The following GMDS variants were observed in gnomAD, a reference collection of about 807,000 sequenced individuals.
GMDS encodes GDP-mannose 4,6 dehydratase.
A neutral mutation model predicts 49.9 loss-of-function variants in GMDS; 20 were observed. The observed-to-expected ratio is 0.40, with a 90% CI of 0.28 to 0.58. The LOEUF (loss-of-function observed/expected upper bound fraction) is 0.58. Among genes scored for constraint, GMDS ranks in the 20% least tolerant of loss-of-function variants. GMDS has a pLI of 0.42. For synonymous variants in GMDS, 177 were observed against 178.6 expected, an observed-to-expected ratio of 0.99 and a Z score of 0.07; for missense variants, 362 against 481.4, an observed-to-expected ratio of 0.75 and a Z score of 2.32.
At chr6:2,128,479 A>T (rs987202924) in intron 1 of GMDS, among the ~76,000 whole-genome samples, 1 of 152,066 alleles carries the variant, frequency 6.6e-6, no homozygotes, top group African/African-American at 2.4e-5. Context: ...CTACTCTCGC[A>T]AGAACTAAGC....
chr6:2,061,492 G>T (rs1394936841), intron 4 of GMDS, among the ~76,000 whole-genome samples: 2 of 151,956 alleles, frequency 1.3e-5, no homozygotes, highest in South Asian at 2.1e-4. Context: ...TGAGGCGGTC[G>T]GATCACTTGA....
In GMDS at chr6:2,117,570, G is replaced by A. The variant is rs759015784; in HGVS notation, c.148-14C>T. 1.9e-5 allele frequency: 28 copies of A among 1,463,118 alleles called. No individual in the cohort carries two copies. The East Asian group carries it at 5.9e-4, about 31-fold the overall frequency. 90.6% of individuals were successfully genotyped at this position (1,463,118 alleles called of 1,614,324 possible). A position where few individuals can be genotyped will look rare whatever the true frequency, so the allele number is the denominator to read the frequency against. Reference sequence around the variant, plus strand: ...AATTCCATGGACCTGAGTTTTTACAGTGTGGAAAGATAAATGTGCAATGAG... The same window carrying A: ...AATTCCATGGACCTGAGTTTTTACAATGTGGAAAGATAAATGTGCAATGAG... On this transcript the variant is annotated splice_polypyrimidine_tract_variant and intron_variant, in intron 2 of 10. Coordinates refer to ENST00000380815, the MANE Select transcript of GMDS (RefSeq NM_001500.4).
intron 1 of GMDS, among the ~76,000 whole-genome samples, chr6:2,157,524 C>T (rs1246883731): frequency 2.0e-5 from 3 of 152,212 alleles, no homozygotes; most frequent in Admixed American, 1.3e-4. Flanking sequence ...GATGACCCAT[C>T]CCTATGGCTA....
In GMDS at chr6:2,234,923, C is replaced by T. The variant is rs2129176; in HGVS notation, c.102+10398G>A. Among the ~76,000 whole-genome samples the T allele has an allele frequency of 4.6e-3, 696 of 152,198 alleles. 5 individuals carry two copies. The highest frequency in any genetic ancestry group is 0.016 in the African/African-American group (660 of 41,528). ...GGCGGATCACCTGAGGTCTGGAGTT[C>T]GAGACCAGCCTGACCAACATGGAGA... is the stretch of plus-strand genomic sequence containing the variant. On this transcript the variant is annotated intron_variant, in intron 1 of 10. Transcript: ENST00000380815.
intron 7 of GMDS, among the ~76,000 whole-genome samples, chr6:1,927,809 T>G (rs558120884): frequency 9.2e-5 from 14 of 152,334 alleles, no homozygotes; most frequent in African/African-American, 3.4e-4. Flanking sequence ...CTTTTTGGCC[T>G]GTTTCTGAAA....
At chr6:2,240,172 A>C (rs545184059) in intron 1 of GMDS, among the ~76,000 whole-genome samples, 1 of 152,250 alleles carries the variant, frequency 6.6e-6, no homozygotes, top group South Asian at 2.1e-4. Context: ...CCAGTACTTT[A>C]TAGCCTTGTG....
At chr6:2,163,398 A>C (rs1222318615) in intron 1 of GMDS, among the ~76,000 whole-genome samples, 1 of 151,174 alleles carries the variant, frequency 6.6e-6, no homozygotes, top group East Asian at 2.0e-4. Flanking sequence ...GGAAAACTGG[A>C]CCAACAACAT....
chr6:2,122,823 T>G (rs1775214168), intron 2 of GMDS, among the ~76,000 whole-genome samples: 1 of 152,210 alleles, frequency 6.6e-6, no homozygotes, highest in African/African-American at 2.4e-5. Flanking sequence ...CGCTATAGTG[T>G]CAACCATGTT....
At chr6:2,001,688 G>C (rs546409042) in intron 4 of GMDS, among the ~76,000 whole-genome samples, 21 of 152,220 alleles carry the variant, frequency 1.4e-4, no homozygotes, top group Non-Finnish European at 8.8e-5. Flanking sequence ...CATAAGAATA[G>C]ATGCACAAAT....
chr6:2,063,126 T>C (rs1463739326), intron 4 of GMDS, among the ~76,000 whole-genome samples: 2 of 152,224 alleles, frequency 1.3e-5, no homozygotes, highest in African/African-American at 2.4e-5. Flanking sequence ...CCCCCATGCA[T>C]GGCACAGTGC....
intron 7 of GMDS, among the ~76,000 whole-genome samples, chr6:1,885,044 A>C (rs1223793021): frequency 6.6e-6 from 1 of 152,246 alleles, no homozygotes; most frequent in Non-Finnish European, 1.5e-5. Flanking sequence ...GAGATATTTA[A>C]GCAATCTGGC....
chr6:2,228,666 C>G (rs1377953820), intron 1 of GMDS, among the ~76,000 whole-genome samples: 2 of 152,206 alleles, frequency 1.3e-5, no homozygotes, highest in East Asian at 1.9e-4. Flanking sequence ...GAAGGGCATT[C>G]ATTTGAACAC....
chr6:1,865,500 A>G (rs147277426), intron 7 of GMDS, among the ~76,000 whole-genome samples: 2 of 152,342 alleles, frequency 1.3e-5, no homozygotes, highest in African/African-American at 4.8e-5. Flanking sequence ...TGAAGGAAGA[A>G]GAGAAGCAGA....
intron 4 of GMDS, among the ~76,000 whole-genome samples, chr6:2,022,505 T>A (rs1330709873): frequency 1.3e-5 from 2 of 152,134 alleles, no homozygotes; most frequent in Non-Finnish European, 2.9e-5. Flanking sequence ...AATTCAAATT[T>A]TAAAAGAAAA....
chr6:1,805,778 C>T (rs768186442), intron 7 of GMDS, among the ~76,000 whole-genome samples: 2 of 152,098 alleles, frequency 1.3e-5, no homozygotes, highest in African/African-American at 2.4e-5. Context: ...TTATCTCCTA[C>T]TATGGTTGAT....
intron 7 of GMDS, among the ~76,000 whole-genome samples, chr6:1,757,489 C>T (rs1321287991): frequency 6.6e-6 from 1 of 152,226 alleles, no homozygotes; most frequent in African/African-American, 2.4e-5. Flanking sequence ...TCATGACCAC[C>T]TGATCCTTCA....
intron 4 of GMDS, among the ~76,000 whole-genome samples, chr6:1,972,632 C>T (rs933192434): frequency 5.9e-5 from 9 of 152,188 alleles, no homozygotes; most frequent in African/African-American, 2.2e-4. Context: ...TCACTAAATT[C>T]TATCTGAAAT....
intron 7 of GMDS, among the ~76,000 whole-genome samples, chr6:1,818,043 C>T (rs189954200): frequency 7.2e-5 from 11 of 152,036 alleles, no homozygotes; most frequent in African/African-American, 2.7e-4. Context: ...AATCACTAGC[C>T]CACCTGAAAA....
chr6:1,704,962 T>G (rs935294608), intron 9 of GMDS, among the ~76,000 whole-genome samples: 4 of 152,196 alleles, frequency 2.6e-5, no homozygotes, highest in Non-Finnish European at 4.4e-5. Context: ...AAGCATTTAA[T>G]AGTACTACTC....
Sources: allele counts gnomAD v4.1 joint callset (sites outside exome capture counted in the v4.1 genomes callset), GRCh38; gene constraint gnomAD v4.1.1; transcripts MANE v1.5; gene names NCBI Gene and HGNC (gene_info 2026-07-23, HGNC 2026-07-21).